The following GYPB variants were observed in gnomAD, a reference collection of about 807,000 sequenced individuals.
GYPB encodes glycophorin B (MNS blood group), also known as glycophorin-B.
A neutral mutation model predicts 15.3 loss-of-function variants in GYPB; 13 were observed. The observed-to-expected ratio is 0.85, with a 90% confidence interval of 0.55 to 1.35. The LOEUF (loss-of-function observed/expected upper bound fraction) is 1.35, where lower values mean the gene tolerates loss of function less well. Ranked by LOEUF, GYPB falls within the 40% of genes most tolerant of loss-of-function variation. The probability of loss-of-function intolerance (pLI) is 0.00; values close to 1 mark genes in which losing one functional copy is unlikely to be tolerated. For synonymous variants in GYPB, 38 were observed against 36.9 expected, an observed-to-expected ratio of 1.03 and a Z score of -0.11; for missense variants, 131 against 108.3, an observed-to-expected ratio of 1.21 and a Z score of -0.93.
downstream of GYPB, among the ~76,000 whole-genome samples, chr4:143,995,908 T>C (rs1004927355): frequency 3.3e-5 from 5 of 151,316 alleles, no homozygotes; most frequent in Admixed American, 6.6e-5. Flanking sequence ...TCTTTTCCAA[T>C]ATATTTCACA....
At chr4:143,998,788 T>C (rs1435868110) in intron 3 of GYPB, among the ~76,000 whole-genome samples, 1 of 144,928 alleles carries the variant, frequency 6.9e-6, no homozygotes, top group Non-Finnish European at 1.5e-5. Flanking sequence ...TATAAGCTCT[T>C]ATGAGGCTTC....
chr4:143,998,211 C>T (rs1418353759), intron 3 of GYPB, among the ~76,000 whole-genome samples: 1 of 151,318 alleles, frequency 6.6e-6, no homozygotes, highest in Non-Finnish European at 1.5e-5. Context: ...CCACAGTATT[C>T]TTATGCATAG....
intron 1 of GYPB, among the ~76,000 whole-genome samples, chr4:144,001,898 G>T (rs1363600203): frequency 6.9e-6 from 1 of 143,950 alleles, no homozygotes; most frequent in African/African-American, 2.6e-5. Flanking sequence ...GAACCCAGGA[G>T]GCCGAGCTTG....
rs376038061 is a variant in GYPB, at chr4:143,997,579, C to T, written c.231G>A (p.Thr77=). The T allele has an allele frequency of 2.1e-5, 34 of 1,600,386 alleles. No homozygotes were observed. The highest frequency in any genetic ancestry group is 6.7e-5 in the Admixed American group (4 of 59,882). Residue 77 remains threonine (T), a synonymous_variant, in exon 4 of 5, where the codon ACG becomes ACA. Coordinates refer to ENST00000502664, the MANE Select transcript of GYPB (RefSeq NM_002100.6). ...ILCVMAGIIG[T]ILLISYSIRR... is the part of the protein sequence containing the mutation. ...GAATACTGTAAGAAATTAAGAGGAT[C>T]GTTCCAATAATACCAGCCATCACAC...
intron 1 of GYPB, among the ~76,000 whole-genome samples, chr4:144,015,991 G>T (rs1322635715): frequency 6.6e-5 from 10 of 150,964 alleles, no homozygotes; most frequent in Non-Finnish European, 1.3e-4. Context: ...TGCCTACTAT[G>T]TGGCTGACAA....
intron 1 of GYPB, among the ~76,000 whole-genome samples, chr4:144,011,205 C>T (rs1728203418): frequency 6.6e-6 from 1 of 151,154 alleles, no homozygotes; most frequent in Admixed American, 6.6e-5. Context: ...CACGGTGAAA[C>T]CCCGTGTCTA....
Position 143,996,170 on chromosome 4 carries a change from C to T in GYPB, c.*129G>A. On this transcript the variant is annotated 3_prime_UTR_variant, in exon 5 of 5. Coordinates refer to ENST00000502664, the MANE Select transcript of GYPB (RefSeq NM_002100.6). ...ATACAGTAATAGTGAGGCAGGAGAA[C>T]AGGGAATTAGGATAGCCAGGGGTAG... 1.3e-6 allele frequency: 2 copies of T among 1,527,140 alleles called. No individual in the cohort carries two copies. Among genetic ancestry groups the T allele is most frequent in the East Asian group, 2.5e-5 (1 of 40,572 alleles). 94.6% of individuals were successfully genotyped at this position (1,527,140 alleles called of 1,614,324 possible). A position where few individuals can be genotyped will look rare whatever the true frequency, so the allele number is the denominator to read the frequency against.
intron 1 of GYPB, among the ~76,000 whole-genome samples, chr4:144,013,607 A>G (rs1020753975): frequency 4.6e-5 from 7 of 151,214 alleles, no homozygotes; most frequent in Non-Finnish European, 7.3e-5. Context: ...TGATGAGTTC[A>G]TGTCCTTTGT....
intron 2 of GYPB, chr4:144,000,261 G>A: frequency 9.0e-6 from 2 of 221,902 alleles, no homozygotes; most frequent in South Asian, 6.3e-5. Flanking sequence ...TATGGGCTTT[G>A]GAGTAAAAGA....
At chr4:144,001,387 G>A in intron 1 of GYPB, 104 bp from the exon 2 acceptor site, 1 of 1,586,870 alleles carries the variant, frequency 6.3e-7, no homozygotes, top group Non-Finnish European at 8.6e-7. Context: ...TCCAGTCCCT[G>A]AGCTAAGCGC....
At chr4:144,013,613 T>G (rs1008791738) in intron 1 of GYPB, among the ~76,000 whole-genome samples, 1 of 151,182 alleles carries the variant, frequency 6.6e-6, no homozygotes, top group African/African-American at 2.5e-5. Context: ...GTTCATGTCC[T>G]TTGTAGGGAC....
intron 4 of GYPB, among the ~76,000 whole-genome samples, chr4:143,996,929 C>T (rs1043036262): frequency 6.6e-6 from 1 of 150,918 alleles, no homozygotes; most frequent in African/African-American, 2.5e-5. Context: ...TTTATTGAGA[C>T]ATGGTCTCAC....
downstream of GYPB, among the ~76,000 whole-genome samples, chr4:143,995,855 C>T (rs1182244563): frequency 1.3e-5 from 2 of 151,258 alleles, no homozygotes; most frequent in Non-Finnish European, 2.9e-5. Context: ...ATTACAGTGC[C>T]GTTTCAGCAG....
At chr4:144,004,796 T>TA (rs1727809802) in intron 1 of GYPB, among the ~76,000 whole-genome samples, 1 of 151,878 alleles carries the variant, frequency 6.6e-6, no homozygotes, top group South Asian at 2.1e-4. Context: ...CCTAAGACCC[T>TA]AACCAGCTAA....
chr4:143,996,432 G>T, intron 4 of GYPB, 128 bp from the exon 5 acceptor site: 10 of 1,490,530 alleles, frequency 6.7e-6, no homozygotes, highest in Non-Finnish European at 9.1e-7. Context: ...GCTTCTAAAG[G>T]GTACCTAGGG....
intron 3 of GYPB, 80 bp from the exon 4 acceptor site, chr4:143,997,714 A>G (rs1473055): frequency 0.69 from 528,589 of 767,702 alleles, 184,906 homozygotes; most frequent in East Asian, 0.95. Context: ...TAACATCAGC[A>G]TAACATCACC....
downstream of GYPB, among the ~76,000 whole-genome samples, chr4:143,995,796 CT>C (rs1727284894): frequency 6.6e-6 from 1 of 151,330 alleles, no homozygotes; most frequent in South Asian, 2.1e-4. Flanking sequence ...GAATTTGGTC[CT>C]TGCCCTCAAG....
At position 144,001,168 on chromosome 4, in the gene GYPB, T is replaced by C; in HGVS notation, c.136+17A>G. 1 of 1,612,656 alleles carries C rather than the reference T, an allele frequency of 6.2e-7. No homozygotes were observed. ...TCATTTCGGAGCCACAATTTAAAAA[T>C]AAAAATGAAAACAAACCATTTGTCT... On this transcript the variant is annotated intron_variant, in intron 2 of 4. Transcript: ENST00000502664.
At chr4:144,002,980 T>C (rs1727705888) in intron 1 of GYPB, among the ~76,000 whole-genome samples, 1 of 151,334 alleles carries the variant, frequency 6.6e-6, no homozygotes, top group African/African-American at 2.5e-5. Flanking sequence ...AAACAATTAC[T>C]GAATGTTTCT....
Sources: allele counts gnomAD v4.1 joint callset (sites outside exome capture counted in the v4.1 genomes callset), GRCh38; gene constraint gnomAD v4.1.1; transcripts MANE v1.5; gene names NCBI Gene and HGNC (gene_info 2026-07-23, HGNC 2026-07-21).